DOCK4: variants seen among roughly 807,000 people sequenced by gnomAD.
DOCK4 encodes the protein dedicator of cytokinesis 4.
In DOCK4, 97 loss-of-function variants were observed where a neutral mutation model predicts 268.1. The ratio of observed to expected loss-of-function variants is 0.36; its 90% confidence interval spans 0.31 to 0.43. The LOEUF is 0.43. Among genes scored for constraint, DOCK4 ranks in the 20% least tolerant of loss-of-function variants. DOCK4 has a pLI of 1.00. For synonymous variants in DOCK4, 954 were observed against 887.2 expected, an observed-to-expected ratio of 1.08 and a Z score of -1.34; for missense variants, 2,145 against 2,455.7, an observed-to-expected ratio of 0.87 and a Z score of 2.67.
chr7:111,995,875 G>C (rs1200745139), intron 4 of DOCK4, among the ~76,000 whole-genome samples: 1 of 152,064 alleles, frequency 6.6e-6, no homozygotes, highest in African/African-American at 2.4e-5. Context: ...ATGTAAAACT[G>C]GGATTTTAAA....
intron 1 of DOCK4, among the ~76,000 whole-genome samples, chr7:112,162,129 A>G (rs974707046): frequency 2.2e-4 from 33 of 152,354 alleles, no homozygotes; most frequent in Middle Eastern, 6.8e-3. Flanking sequence ...TCCCAAAGAA[A>G]GTAAGTAATT....
chr7:112,132,630 C>T (rs1044276781), intron 1 of DOCK4, among the ~76,000 whole-genome samples: 13 of 151,128 alleles, frequency 8.6e-5, no homozygotes, highest in South Asian at 4.2e-4. Context: ...AAAAAAGGGG[C>T]GGGGGGAGGT....
chr7:111,934,109 A>G (rs1235861130), intron 12 of DOCK4, among the ~76,000 whole-genome samples: 1 of 152,234 alleles, frequency 6.6e-6, no homozygotes, highest in African/African-American at 2.4e-5. Flanking sequence ...TCAGTTCAAG[A>G]AACAGCTTAC....
intron 27 of DOCK4, chr7:111,819,458 A>G (rs893522182): frequency 1.3e-5 from 2 of 152,214 alleles, no homozygotes; most frequent in African/African-American, 4.8e-5. Flanking sequence ...AACAAGAAAG[A>G]GAAGAAATGC....
At chr7:112,033,902 C>G (rs907258898) in intron 1 of DOCK4, among the ~76,000 whole-genome samples, 11 of 152,174 alleles carry the variant, frequency 7.2e-5, no homozygotes, top group African/African-American at 2.4e-4. Flanking sequence ...CAATCTGAAG[C>G]AATACCTAGA....
chr7:112,091,978 T>G (rs968723660), intron 1 of DOCK4, among the ~76,000 whole-genome samples: 8 of 152,184 alleles, frequency 5.3e-5, no homozygotes, highest in Admixed American at 6.5e-5. Context: ...CCAGGTGTGA[T>G]GCTCTCACTA....
At position 111,739,148 on chromosome 7, in the gene DOCK4, C is replaced by A; in HGVS notation, c.5218G>T (p.Val1740Leu). Residue 1740 changes from valine (V) to leucine (L), a missense_variant, in exon 49 of 53, where the codon GTG becomes TTG. Val to Leu is a conservative substitution (Grantham distance 32). Around this residue, in one of 2 missense-constraint regions of DOCK4, gnomAD observed 547 missense variants for 469.0 expected, o/e 1.17. Transcript: ENST00000428084. ...ACAAGGAGTACCTGCGAAGGCTCCACAGGTGTTGGATAGATGGCACTGCAT... is the reference window on the plus strand; with the variant it reads ...ACAAGGAGTACCTGCGAAGGCTCCAAAGGTGTTGGATAGATGGCACTGCAT... Reference protein sequence around the residue: ...RPCSAIYPTPVEPSQRMLFNH... With the variant: ...RPCSAIYPTPLEPSQRMLFNH... 6.2e-7 allele frequency: 1 copy of A among 1,613,696 alleles called. No individual in the cohort carries two copies. The highest frequency in any genetic ancestry group is 1.3e-5 in the African/African-American group (1 of 75,028).
At chr7:112,164,213 G>A (rs1389703985) in intron 1 of DOCK4, among the ~76,000 whole-genome samples, 1 of 152,068 alleles carries the variant, frequency 6.6e-6, no homozygotes, top group East Asian at 1.9e-4. Context: ...TGAAGGTGTA[G>A]TGAGCTATGA....
intron 1 of DOCK4, among the ~76,000 whole-genome samples, chr7:112,093,474 T>C (rs1809827185): frequency 6.6e-6 from 1 of 152,100 alleles, no homozygotes; most frequent in African/African-American, 2.4e-5. Flanking sequence ...TATATTAATA[T>C]ATCACCACAC....
At chr7:111,952,961 C>T (rs1452815137) in intron 8 of DOCK4, among the ~76,000 whole-genome samples, 1 of 152,132 alleles carries the variant, frequency 6.6e-6, no homozygotes, top group African/African-American at 2.4e-5. Flanking sequence ...CACAGTGACT[C>T]ACGCCTGAAA....
At position 112,020,684 on chromosome 7, in the gene DOCK4, GTAA is replaced by G. The variant is rs1322053516; in HGVS notation, c.38-16556_38-16554del. The stretch of plus-strand genomic sequence containing the variant: ...CCAAAGAGTCACTGGTACCCTAAAA[GTAA>G]AAAAAAAAAAAAAAAAAAAAATTAA... On this transcript the variant is annotated intron_variant, in intron 1 of 52. Transcript: ENST00000428084. Among the ~76,000 whole-genome samples the G allele has an allele frequency of 2.3e-4, 6 of 25,646 alleles. No homozygotes were observed. In the East Asian group the frequency reaches 3.6e-3, roughly 15 times the overall value. 16.8% of individuals were successfully genotyped at this position (25,646 alleles called of 152,430 possible).
chr7:111,812,056 A>T (rs1801177821), intron 27 of DOCK4, 107 bp from the exon 28 acceptor site: 1 of 569,562 alleles, frequency 1.8e-6, no homozygotes, highest in Non-Finnish European at 3.1e-6. Flanking sequence ...TTCAGTAAGC[A>T]TCTGGAGCAA....
At chr7:111,756,570 C>T (rs558944466) in intron 41 of DOCK4, among the ~76,000 whole-genome samples, 37 of 152,016 alleles carry the variant, frequency 2.4e-4, no homozygotes, top group African/African-American at 7.0e-4. Flanking sequence ...CTGGCCGGGA[C>T]GAGCAACCCC....
chr7:111,795,219 G>A (rs1799809568), intron 30 of DOCK4, among the ~76,000 whole-genome samples: 1 of 152,110 alleles, frequency 6.6e-6, no homozygotes, highest in African/African-American at 2.4e-5. Context: ...GGTAGTCCCA[G>A]CTACTTGGGA....
chr7:111,908,433 G>A (rs190938232), intron 13 of DOCK4, among the ~76,000 whole-genome samples: 4,104 of 141,976 alleles, frequency 0.029, 202 homozygotes, highest in African/African-American at 0.11. Context: ...GGGCAACAGA[G>A]TGAGACTCCG....
intron 23 of DOCK4, among the ~76,000 whole-genome samples, chr7:111,855,299 G>A (rs985197377): frequency 1.3e-5 from 2 of 152,138 alleles, no homozygotes; most frequent in African/African-American, 4.8e-5. Flanking sequence ...GCAGCTCAGA[G>A]CAAGTGCAGC....
rs1454832356 is a variant in DOCK4 at position 111,983,856 on chromosome 7, G to GCACA, written c.549+449_549+450insTGTG. 6.1e-3 allele frequency among the ~76,000 whole-genome samples: 566 copies of GCACA among 92,074 alleles called. 3 individuals are homozygous for GCACA. The highest frequency in any genetic ancestry group is 0.02 in the African/African-American group (548 of 27,492). The allele number at this position is 92,074 out of a possible 152,430, so 60.4% of individuals were successfully genotyped here. ...TATGTACACACACACGCGCGCGCGC[G>GCACA]CGCGCGCACACACACACACACACAC... On this transcript the variant is annotated intron_variant, in intron 7 of 52. Transcript: ENST00000428084.
chr7:111,968,490 C>G lies in DOCK4; in HGVS notation c.701+8642G>C, dbSNP rs879923033. Among the ~76,000 whole-genome samples the G allele has an allele frequency of 5.1e-5, 5 of 98,404 alleles. 1 individual carries two copies. Among genetic ancestry groups the G allele is most frequent in the Non-Finnish European group, 9.4e-5 (5 of 53,060 alleles). 64.6% of individuals were successfully genotyped at this position (98,404 alleles called of 152,430 possible). On this transcript the variant is annotated intron_variant, in intron 8 of 52. Coordinates refer to ENST00000428084, the MANE Select transcript of DOCK4 (RefSeq NM_001363540.2). ...ATCATCACTGGCCATCAGAGAAATG[C>G]AAATCAAAACCACTATGAGATATCA...
chr7:112,054,756 C>G (rs1805668804), intron 1 of DOCK4, among the ~76,000 whole-genome samples: 1 of 151,750 alleles, frequency 6.6e-6, no homozygotes, highest in South Asian at 2.1e-4. Context: ...AGTTTTATTC[C>G]AAAAATCTTA....
Sources: gnomAD v4.1 joint callset for allele counts (sites outside exome capture counted in the v4.1 genomes callset) on GRCh38, gnomAD v4.1.1 for gene constraint, gnomAD v4.1.1 regional missense constraint, MANE v1.5 for transcripts, NCBI Gene and HGNC (gene_info 2026-07-23, HGNC 2026-07-21) for gene names.